The following POFUT3 variants were observed in gnomAD, a reference collection of about 807,000 sequenced individuals.
POFUT3 encodes the protein protein O-fucosyltransferase 3.
the POFUT3 span, among the ~76,000 whole-genome samples, chr8:33,317,537 C>T: frequency 1.3e-5 from 2 of 152,246 alleles, no homozygotes; most frequent in East Asian, 3.9e-4. Flanking sequence ...CAACGTATAA[C>T]CTCCATACTC....
the POFUT3 span, among the ~76,000 whole-genome samples, chr8:33,449,278 ATTTTTTTTTTTTTTT>A: frequency 1.5e-3 from 83 of 53,764 alleles, no homozygotes; most frequent in African/African-American, 6.1e-3. Context: ...ATCCGAGTTG[ATTTTTTTTTTTTTTT>A]TTTTTTTTTT....
chr8:33,343,872 A>T, the POFUT3 span, among the ~76,000 whole-genome samples: 1 of 152,224 alleles, frequency 6.6e-6, no homozygotes, highest in Non-Finnish European at 1.5e-5. Context: ...TAAGAAGTAC[A>T]TGTGTTCTCC....
the POFUT3 span, among the ~76,000 whole-genome samples, chr8:33,430,147 G>A: frequency 6.6e-6 from 1 of 151,908 alleles, no homozygotes; most frequent in Non-Finnish European, 1.5e-5. Context: ...CGACTTGTAT[G>A]AGCATTATGA....
At chr8:33,360,019 C>CCAAA in the POFUT3 span, among the ~76,000 whole-genome samples, 1 of 148,138 alleles carries the variant, frequency 6.8e-6, no homozygotes, top group Non-Finnish European at 1.5e-5. Flanking sequence ...AAAAACCAAA[C>CCAAA]CAAACAAACA....
At chr8:33,394,209 A>G in the POFUT3 span, 1 of 218,516 alleles carries the variant, frequency 4.6e-6, no homozygotes, top group Non-Finnish European at 9.2e-6. Flanking sequence ...AAAATAAAAT[A>G]AAAATTACCA....
At chr8:33,381,482 C>T in the POFUT3 span, among the ~76,000 whole-genome samples, 1 of 152,170 alleles carries the variant, frequency 6.6e-6, no homozygotes, top group Non-Finnish European at 1.5e-5. Context: ...AGTATAAGAT[C>T]TTACCCTTCA....
chr8:33,391,187 A>G, the POFUT3 span, among the ~76,000 whole-genome samples: 1 of 152,246 alleles, frequency 6.6e-6, no homozygotes, highest in Non-Finnish European at 1.5e-5. Context: ...CACTCCCACA[A>G]ATAAAGATAA....
the POFUT3 span, among the ~76,000 whole-genome samples, chr8:33,397,902 T>G: frequency 6.6e-6 from 1 of 152,170 alleles, no homozygotes. Context: ...CATTACTAAC[T>G]CAGAGAAGCA....
At chr8:33,397,616 C>T in the POFUT3 span, among the ~76,000 whole-genome samples, 2 of 152,128 alleles carry the variant, frequency 1.3e-5, no homozygotes, top group Non-Finnish European at 2.9e-5. Context: ...GAATGTTCTG[C>T]AGAACTCTGA....
the POFUT3 span, among the ~76,000 whole-genome samples, chr8:33,323,612 G>A: frequency 6.6e-6 from 1 of 152,142 alleles, no homozygotes; most frequent in African/African-American, 2.4e-5. Flanking sequence ...TGTGGTGGAA[G>A]GTTTCACTGT....
chr8:33,460,775 T>C, the POFUT3 span: 1 of 984,950 alleles, frequency 1.0e-6, no homozygotes, highest in Non-Finnish European at 1.2e-6. Context: ...GTTTCACCTG[T>C]TTAAAAAAGG....
At chr8:33,467,475 T>C in the POFUT3 span, among the ~76,000 whole-genome samples, 1 of 152,020 alleles carries the variant, frequency 6.6e-6, no homozygotes, top group Admixed American at 6.6e-5. Context: ...TGCCCTAGAA[T>C]ACTCCTTCCT....
At chr8:33,446,606 A>G in the POFUT3 span, among the ~76,000 whole-genome samples, 2 of 152,126 alleles carry the variant, frequency 1.3e-5, no homozygotes, top group Admixed American at 1.3e-4. Flanking sequence ...TCCATTGCTC[A>G]AGTGTTTACT....
chr8:33,425,423 C>G, the POFUT3 span, among the ~76,000 whole-genome samples: 3 of 152,030 alleles, frequency 2.0e-5, no homozygotes, highest in African/African-American at 7.2e-5. Context: ...AAGAAGTCTT[C>G]TTGGAAGTGG....
the POFUT3 span, among the ~76,000 whole-genome samples, chr8:33,442,257 G>A: frequency 1.6e-5 from 2 of 122,492 alleles, no homozygotes; most frequent in African/African-American, 6.2e-5. Context: ...GAGCCACCAC[G>A]CCAGGCCTCA....
chr8:33,326,927 C>T, the POFUT3 span, among the ~76,000 whole-genome samples: 1 of 152,206 alleles, frequency 6.6e-6, no homozygotes, highest in African/African-American at 2.4e-5. Flanking sequence ...AAAAGCATGG[C>T]CCATGCCCAG....
the POFUT3 span, among the ~76,000 whole-genome samples, chr8:33,362,456 T>C: frequency 6.6e-6 from 1 of 152,146 alleles, no homozygotes; most frequent in Admixed American, 6.5e-5. Flanking sequence ...AATGCCCCCA[T>C]TAAAAGACAC....
chr8:33,437,802 T>C, the POFUT3 span, among the ~76,000 whole-genome samples: 1 of 151,776 alleles, frequency 6.6e-6, no homozygotes, highest in Non-Finnish European at 1.5e-5. Context: ...AGAGTGAGAC[T>C]CCATCTCAAA....
the POFUT3 span, chr8:33,388,866 C>T: frequency 1.1e-6 from 1 of 936,830 alleles, no homozygotes; most frequent in Non-Finnish European, 1.7e-6. Flanking sequence ...GAATGAAGAA[C>T]ACTGATGAGG....
Sources: gnomAD v4.1 joint callset for allele counts (sites outside exome capture counted in the v4.1 genomes callset) on GRCh38, gnomAD v4.1.1 for gene constraint, MANE v1.5 for transcripts, NCBI Gene and HGNC (gene_info 2026-07-23, HGNC 2026-07-21) for gene names.